The following USF3 variants were observed in gnomAD, a reference collection of about 807,000 sequenced individuals.
The protein encoded by USF3 is basic helix-loop-helix domain-containing protein USF3.
Under a neutral mutation model 157.5 loss-of-function variants are expected in USF3, and 29 were observed. The observed-to-expected ratio is 0.18, with a 90% CI of 0.14 to 0.25. The LOEUF (loss-of-function observed/expected upper bound fraction) is 0.25. Ranked by LOEUF, USF3 falls within the 10% of genes least tolerant of loss-of-function variation. The pLI is 1.00. For synonymous variants in USF3, 893 were observed against 941.4 expected (o/e 0.95, Z 0.94); for missense variants, 2,381 against 2,667.6 (o/e 0.89, Z 2.37).
At chr3:113,685,008 T>C (rs1317628544) in intron 1 of USF3, among the ~76,000 whole-genome samples, 3 of 152,192 alleles carry the variant, frequency 2.0e-5, no homozygotes, top group Non-Finnish European at 2.9e-5. Context: ...GCTTTCTAAG[T>C]ATTCAACAAG....
intron 1 of USF3, among the ~76,000 whole-genome samples, chr3:113,682,850 T>C (rs1159064029): frequency 1.4e-4 from 22 of 152,032 alleles, no homozygotes; most frequent in Non-Finnish European, 1.5e-5. Context: ...CTGTGTGTCT[T>C]CATAAGAGAA....
At position 113,652,054 on chromosome 3, in the gene USF3, T is replaced by C. The variant is rs1947268373; in HGVS notation, c.*2890A>G. 1 of 151,194 alleles carries C rather than the reference T, an allele frequency of 6.6e-6. No individual in the cohort carries two copies. Among genetic ancestry groups the C allele is most frequent in the Non-Finnish European group, 1.5e-5 (1 of 67,984 alleles). 9.4% of individuals were successfully genotyped at this position (151,194 alleles called of 1,614,324 possible). ...CCTTACTTTCAATTATGTCTAGCAG[T>C]CCCCAGTCCTTCAGAACTTAACAGC... On this transcript the variant is annotated 3_prime_UTR_variant, in exon 7 of 7. Transcript: ENST00000316407.
In USF3 at chr3:113,655,405, T is replaced by G; in HGVS notation, c.6277A>C (p.Thr2093Pro). 6.2e-7 allele frequency: 1 copy of G among 1,613,968 alleles called. No individual in the cohort carries two copies. Among genetic ancestry groups the G allele is most frequent in the Non-Finnish European group, 8.5e-7 (1 of 1,180,002 alleles). Residue 2093 changes from threonine (T) to proline (P), a missense_variant, in exon 7 of 7, where the codon ACT becomes CCT. Thr to Pro is a conservative substitution (Grantham distance 38). Coordinates refer to ENST00000316407, the MANE Select transcript of USF3 (RefSeq NM_001009899.4). ...ACCGGGATGAGGGCTGGAGTTCGAG[T>G]GGCACTAGGCTGAGTAACCTGTGGA... The part of the protein sequence containing the change: ...FIPQVTQPSA[T>P]RTPALIPVDP...
Position 113,656,907 on chromosome 3 carries a change from G to GGATGGTTAT in USF3, c.4766_4774dup (p.His1589_His1591dup), listed in dbSNP as rs761564645. 6.2e-7 allele frequency: 1 copy of GGATGGTTAT among 1,614,132 alleles called. No homozygotes were observed. The highest frequency in any genetic ancestry group is 2.2e-5 in the East Asian group (1 of 44,878). On this transcript the variant is annotated inframe_insertion, in exon 7 of 7. Coordinates refer to ENST00000316407, the MANE Select transcript of USF3 (RefSeq NM_001009899.4). ...AATATCTTGATTGAGATGGTTCTGGGGATGGTTATGATGGTTCCGACTAGT... is the reference window on the plus strand; with the variant it reads ...AATATCTTGATTGAGATGGTTCTGGGGATGGTTATGATGGTTATGATGGTTCCGACTAGT...
At chr3:113,661,863 T>C (rs1314234374) in intron 6 of USF3, among the ~76,000 whole-genome samples, 1 of 152,232 alleles carries the variant, frequency 6.6e-6, no homozygotes, top group South Asian at 2.1e-4. Context: ...TTTTATTCTT[T>C]TGAGACAGAG....
chr3:113,680,053 C>CTTTTTTTTTT (rs71131103), intron 1 of USF3, among the ~76,000 whole-genome samples: 55 of 58,604 alleles, frequency 9.4e-4, no homozygotes, highest in African/African-American at 1.4e-3. Context: ...CTGTAGTTTT[C>CTTTTTTTTTT]TTTTTTTTTT....
chr3:113,657,718 C>T lies in USF3; in HGVS notation c.3964G>A (p.Glu1322Lys). ...CGCTTAGCAGAATCCTTACGGCTTT[C>T]ATGGCTTGGCTTTAAGAGTGGCTCT... ...IQEPLLKPSH[E>K]SRKDSAKRAV... The change falls in exon 7 of 7, where the codon GAA (glutamate) becomes AAA (lysine). Residue 1322 changes from glutamate to lysine, a missense_variant. Around this residue, in one of 6 missense-constraint regions of USF3, gnomAD observed 1,435 missense variants for 1,550.9 expected, o/e 0.93. Transcript: ENST00000316407. The T allele has an allele frequency of 6.2e-7, 1 of 1,614,180 alleles. No individual in the cohort carries two copies. The highest frequency in any genetic ancestry group is 8.5e-7 in the Non-Finnish European group (1 of 1,180,030).
chr3:113,684,064 T>C (rs910734273), intron 1 of USF3, among the ~76,000 whole-genome samples: 1 of 152,212 alleles, frequency 6.6e-6, no homozygotes, highest in Non-Finnish European at 1.5e-5. Context: ...ACCTCATCTT[T>C]TGTTTGTCTG....
At position 113,659,272 on chromosome 3, in the gene USF3, G is replaced by A. The variant is rs1261132426; in HGVS notation, c.2410C>T (p.His804Tyr). 6.2e-7 allele frequency: 1 copy of A among 1,614,154 alleles called. No individual in the cohort carries two copies. Among genetic ancestry groups the A allele is most frequent in the Admixed American group, 1.7e-5 (1 of 60,012 alleles). Residue 804 changes from histidine (H) to tyrosine (Y), a missense_variant, in exon 7 of 7, where the codon CAC becomes TAC. Physicochemically the swap from His to Tyr is moderately conservative, Grantham distance 83. Transcript: ENST00000316407. ...CACGCTGACTTGTTTGCTGCTAAGTGTTTCCTGCCACCTGGCTTCTTATTC... is the reference window on the plus strand; with the variant it reads ...CACGCTGACTTGTTTGCTGCTAAGTATTTCCTGCCACCTGGCTTCTTATTC... ...RLNKKPGGRKHLAANKSACPL... is the reference protein window; with the variant it reads ...RLNKKPGGRKYLAANKSACPL...
intron 4 of USF3, 110 bp downstream of exon 4, chr3:113,673,238 A>G: frequency 1.3e-6 from 1 of 743,014 alleles, no homozygotes; most frequent in South Asian, 1.6e-5. Flanking sequence ...TTCCTAAAAC[A>G]TAATGAATAA....
At chr3:113,696,121 G>A (rs1175666576) in intron 1 of USF3, among the ~76,000 whole-genome samples, 2 of 152,204 alleles carry the variant, frequency 1.3e-5, no homozygotes, top group Non-Finnish European at 2.9e-5. Context: ...AGCCCCCCAC[G>A]GGCCTGGCAG....
At chr3:113,679,007 G>GTCTCTC (rs1367267326) in intron 1 of USF3, among the ~76,000 whole-genome samples, 130 of 119,284 alleles carry the variant, frequency 1.1e-3, no homozygotes, top group Non-Finnish European at 1.4e-3. Context: ...GTCCAGGCTG[G>GTCTCTC]TGTCTCTCTC....
chr3:113,654,999 C>G lies in USF3; in HGVS notation c.6683G>C (p.Arg2228Thr). ...ASDSSKQSSN[R>T]PAHNISHILG... is the part of the protein sequence containing the mutation. ...AATATGGCTTATGTTATGGGCAGGT[C>G]TGTTTGAGGACTGCTTGGAAGAGTC... The change falls in exon 7 of 7, where the codon AGA becomes ACA. Residue 2228 changes from arginine to threonine, a missense_variant. Arg to Thr is a moderately conservative substitution (Grantham distance 71, BLOSUM62 -1). Around this residue, in one of 6 missense-constraint regions of USF3, gnomAD observed 20 missense variants for 36.6 expected, o/e 0.55. Transcript: ENST00000316407. 6.2e-7 allele frequency: 1 copy of G among 1,614,096 alleles called. No individual in the cohort carries two copies. The highest frequency in any genetic ancestry group is 8.5e-7 in the Non-Finnish European group (1 of 1,179,954).
In USF3 at chr3:113,653,057, A is replaced by G; in HGVS notation, c.*1887T>C. 1 of 341,434 alleles carries G rather than the reference A, an allele frequency of 2.9e-6. No individual in the cohort carries two copies. Among genetic ancestry groups the G allele is most frequent in the East Asian group, 7.2e-5 (1 of 13,914 alleles). The allele number at this position is 341,434 out of a possible 1,614,324, so 21.2% of individuals were successfully genotyped here. A position where few individuals can be genotyped will look rare whatever the true frequency, so the allele number is the denominator to read the frequency against. Reference sequence around the variant, plus strand: ...CCAGCCTGGGTGACAGAGTCTCAAAAAAAAAAGAAAAGAAGAAAGAAAAGA... The same window carrying G: ...CCAGCCTGGGTGACAGAGTCTCAAAGAAAAAAGAAAAGAAGAAAGAAAAGA... On this transcript the variant is annotated 3_prime_UTR_variant, in exon 7 of 7. Transcript: ENST00000316407.
chr3:113,666,567 CCTTT>C lies in USF3; in HGVS notation c.160-2162_160-2159del, dbSNP rs1207699593. 2.2e-3 allele frequency among the ~76,000 whole-genome samples: 286 copies of C among 130,024 alleles called. 1 individual carries two copies. The highest frequency in any genetic ancestry group is 7.9e-3 in the African/African-American group (280 of 35,276). The allele number at this position is 130,024 out of a possible 152,430, so 85.3% of individuals were successfully genotyped here. On this transcript the variant is annotated intron_variant, in intron 5 of 6. Transcript: ENST00000316407. Reference sequence around the variant, plus strand: ...CATGCCTGGCCCCTACTTATTGTTTCCTTTTTTTTTTTTTTTTTTTTTGTAACAG... The same window carrying C: ...CATGCCTGGCCCCTACTTATTGTTTCTTTTTTTTTTTTTTTTTTGTAACAG...
At chr3:113,680,506 A>T (rs1329430946) in intron 1 of USF3, among the ~76,000 whole-genome samples, 1 of 151,734 alleles carries the variant, frequency 6.6e-6, no homozygotes, top group Non-Finnish European at 1.5e-5. Context: ...GATTTTGTTT[A>T]TCTTTTCAAA....
chr3:113,660,294 G>C lies in USF3; in HGVS notation c.1388C>G (p.Thr463Ser). 2 of 1,614,146 alleles carry C rather than the reference G, an allele frequency of 1.2e-6. No homozygotes were observed. Among genetic ancestry groups the C allele is most frequent in the East Asian group, 2.2e-5 (1 of 44,890 alleles). Residue 463 changes from threonine (T) to serine (S), a missense_variant, in exon 7 of 7, where the codon ACT (threonine) becomes AGT (serine). This residue lies in a region of USF3 where 1,435 missense variants were observed against 1,550.9 expected (regional missense o/e 0.93). Transcript: ENST00000316407. Reference sequence around the variant, plus strand: ...ACTGTGGTTGCTTGTGGTGGGGCTAGTACCAGACTCATTTAATACTGGAGT... The same window carrying C: ...ACTGTGGTTGCTTGTGGTGGGGCTACTACCAGACTCATTTAATACTGGAGT... Reference protein sequence around the residue: ...AVTPVLNESGTSPTTSNHSRY... With the variant: ...AVTPVLNESGSSPTTSNHSRY...
rs757706879 is a variant in USF3, at chr3:113,661,076, G to A, written c.606C>T (p.Tyr202=). 3.1e-6 allele frequency: 5 copies of A among 1,614,142 alleles called. No homozygotes were observed. The South Asian group carries it at 4.4e-5, about 14-fold the overall frequency. ...GATGCCATGGCTTGTTTTCAGAAGG[G>A]TAAACTCCAGAAATAGATACAGGAG... ...LVTPVSISGV[Y]PSENKPWHQT... The change falls in exon 7 of 7, where the codon TAC becomes TAT. Residue 202 remains tyrosine, a synonymous_variant. Transcript: ENST00000316407.
rs1296067279 is a variant in USF3 at position 113,656,337 on chromosome 3, C to T, written c.5345G>A (p.Gly1782Asp). 2 of 1,613,928 alleles carry T rather than the reference C, an allele frequency of 1.2e-6. No homozygotes were observed. The highest frequency in any genetic ancestry group is 2.7e-5 in the African/African-American group (2 of 74,856). ...SQAFRISQNT[G>D]PPPIDRQKRL... ...CTTTTGACGGTCAATTGGTGGGGGG[C>T]CAGTGTTTTGACTAATTCGAAAAGC... The change falls in exon 7 of 7, where the codon GGC becomes GAC. Residue 1782 changes from glycine to aspartate, a missense_variant. Physicochemically the swap from Gly to Asp is moderately conservative, Grantham distance 94 (BLOSUM62 -1). Coordinates refer to ENST00000316407, the MANE Select transcript of USF3 (RefSeq NM_001009899.4).
Sources: allele counts gnomAD v4.1 joint callset (sites outside exome capture counted in the v4.1 genomes callset), GRCh38; gene constraint gnomAD v4.1.1; regional missense constraint gnomAD v4.1.1; transcripts MANE v1.5; gene names NCBI Gene and HGNC (gene_info 2026-07-23, HGNC 2026-07-21).